The following SCFD2 variants were observed in gnomAD, a reference collection of about 807,000 sequenced individuals.
The protein encoded by SCFD2 is sec1 family domain-containing protein 2.
SCFD2 carries 54 observed loss-of-function variants against 58.9 expected under a neutral mutation model. The ratio of observed to expected loss-of-function variants is 0.92; its 90% CI spans 0.74 to 1.15. The LOEUF is 1.15. Among genes scored for constraint, SCFD2 ranks in the 50% most tolerant of loss-of-function variants. The pLI, the probability that SCFD2 is intolerant of heterozygous loss-of-function variation, is 0.00. For missense variants in SCFD2, 805 were observed against 836.6 expected, an observed-to-expected ratio of 0.96 and a Z score of 0.47; for synonymous variants, 321 against 335.9, an observed-to-expected ratio of 0.96 and a Z score of 0.49.
intron 5 of SCFD2, among the ~76,000 whole-genome samples, chr4:53,000,121 G>A (rs187225881): frequency 1.3e-5 from 2 of 152,312 alleles, no homozygotes; most frequent in African/African-American, 2.4e-5. Flanking sequence ...GGGATGTTGC[G>A]GGAGGCAGGG....
chr4:53,065,383 C>T (rs1281821886), intron 5 of SCFD2, among the ~76,000 whole-genome samples: 1 of 152,036 alleles, frequency 6.6e-6, no homozygotes, highest in African/African-American at 2.4e-5. Flanking sequence ...AAAATGAATA[C>T]TTCTACTGTA....
At chr4:53,066,962 A>G (rs1210536157) in intron 5 of SCFD2, among the ~76,000 whole-genome samples, 2 of 152,070 alleles carry the variant, frequency 1.3e-5, no homozygotes, top group South Asian at 2.1e-4. Flanking sequence ...TCCTGCCATT[A>G]AAACCCTAGA....
intron 2 of SCFD2, among the ~76,000 whole-genome samples, chr4:53,352,138 G>GA (rs947024937): frequency 1.4e-4 from 21 of 151,754 alleles, no homozygotes; most frequent in Non-Finnish European, 2.7e-4. Flanking sequence ...CTAAGCATGT[G>GA]AAAAAAAATA....
intron 3 of SCFD2, among the ~76,000 whole-genome samples, chr4:53,292,362 ACAAC>A (rs1486647025): frequency 1.3e-5 from 2 of 152,188 alleles, no homozygotes; most frequent in African/African-American, 2.4e-5. Context: ...CAAGAAAAAA[ACAAC>A]CAACCACATT....
chr4:53,007,770 C>T (rs530304472), intron 5 of SCFD2, among the ~76,000 whole-genome samples: 7 of 152,302 alleles, frequency 4.6e-5, no homozygotes, highest in African/African-American at 7.2e-5. Flanking sequence ...AGCCATCCTT[C>T]CTACATATCC....
At chr4:53,214,637 A>G (rs77990250) in intron 4 of SCFD2, among the ~76,000 whole-genome samples, 105,253 of 151,894 alleles carry the variant, frequency 0.69, 36,778 homozygotes, top group Middle Eastern at 0.78. Flanking sequence ...CTTTTGCTGC[A>G]CAGAAGCTCT....
At chr4:52,956,601 A>G (rs1343803099) in intron 5 of SCFD2, 2 of 203,834 alleles carry the variant, frequency 9.8e-6, no homozygotes, top group Non-Finnish European at 1.0e-5. Context: ...TGCTCTCATG[A>G]GCACCTCTTC....
At chr4:53,121,333 A>G (rs1025446222) in intron 5 of SCFD2, among the ~76,000 whole-genome samples, 3 of 152,004 alleles carry the variant, frequency 2.0e-5, no homozygotes, top group East Asian at 1.9e-4. Context: ...CCATGATTCA[A>G]CTCCCACCAG....
At chr4:53,085,466 A>ATACTACC (rs1251214075) in intron 5 of SCFD2, among the ~76,000 whole-genome samples, 2 of 152,198 alleles carry the variant, frequency 1.3e-5, no homozygotes, top group Non-Finnish European at 2.9e-5. Flanking sequence ...TACCAAAAGC[A>ATACTACC]ATCTACAGAT....
intron 5 of SCFD2, among the ~76,000 whole-genome samples, chr4:53,017,010 A>G (rs569285633): frequency 2.0e-5 from 3 of 152,306 alleles, no homozygotes; most frequent in African/African-American, 7.2e-5. Context: ...TGGGAGGCTG[A>G]GGCAGGAGAA....
At chr4:53,135,037 A>G (rs1442244176) in intron 5 of SCFD2, among the ~76,000 whole-genome samples, 3 of 152,198 alleles carry the variant, frequency 2.0e-5, no homozygotes, top group African/African-American at 7.2e-5. Context: ...CTACATCACT[A>G]GTAAACTTAA....
intron 5 of SCFD2, among the ~76,000 whole-genome samples, chr4:52,940,865 T>C (rs1280051888): frequency 6.6e-6 from 1 of 152,120 alleles, no homozygotes; most frequent in Non-Finnish European, 1.5e-5. Context: ...AGCATGTTCT[T>C]TAGGGGAGGA....
At chr4:52,899,259 A>C (rs1374711622) in intron 7 of SCFD2, among the ~76,000 whole-genome samples, 1 of 152,060 alleles carries the variant, frequency 6.6e-6, no homozygotes, top group African/African-American at 2.4e-5. Context: ...AGTCTTTACA[A>C]TTTGGCATGT....
rs536754501 is a variant in SCFD2 at position 53,334,301 on chromosome 4, C to T, written c.1007+18297G>A. Among the ~76,000 whole-genome samples the T allele has an allele frequency of 5.0e-4, 76 of 152,248 alleles. 4 individuals are homozygous for T. In the South Asian group the frequency reaches 0.015, roughly 30 times the overall value. On this transcript the variant is annotated intron_variant, in intron 2 of 8. Transcript: ENST00000401642. ...TTGCTGCTATAAAGACACAAGCACA[C>T]GTATGTTTATTGTGGCATTATTCAC...
At chr4:52,956,289 T>G (rs1560493263) in intron 5 of SCFD2, 2 of 456,170 alleles carry the variant, frequency 4.4e-6, no homozygotes, top group Non-Finnish European at 8.8e-6. Flanking sequence ...GAGCGGTGGC[T>G]GAGGAACCAG....
At chr4:53,047,010 T>C (rs1257792420) in intron 5 of SCFD2, among the ~76,000 whole-genome samples, 1 of 152,198 alleles carries the variant, frequency 6.6e-6, no homozygotes, top group Non-Finnish European at 1.5e-5. Flanking sequence ...GTAATTATTT[T>C]CCCAAGTTTT....
chr4:53,329,971 G>A (rs1200012713), intron 2 of SCFD2, among the ~76,000 whole-genome samples: 2 of 151,736 alleles, frequency 1.3e-5, no homozygotes, highest in Non-Finnish European at 1.5e-5. Context: ...GAGCTGATGC[G>A]ATCAACTGGA....
chr4:53,304,476 G>C (rs1487321790), intron 3 of SCFD2, among the ~76,000 whole-genome samples: 1 of 151,930 alleles, frequency 6.6e-6, no homozygotes, highest in Non-Finnish European at 1.5e-5. Context: ...ATCAACTGTA[G>C]GTTTGCTCTT....
chr4:52,975,725 A>T (rs149390035), intron 5 of SCFD2, among the ~76,000 whole-genome samples: 3 of 152,212 alleles, frequency 2.0e-5, no homozygotes, highest in African/African-American at 7.2e-5. Context: ...CATGCACACG[A>T]ATATTTATTG....
Sources: gnomAD v4.1 joint callset for allele counts (sites outside exome capture counted in the v4.1 genomes callset) on GRCh38, gnomAD v4.1.1 for gene constraint, MANE v1.5 for transcripts, NCBI Gene and HGNC (gene_info 2026-07-23, HGNC 2026-07-21) for gene names.